MOBP: variants seen among roughly 807,000 people sequenced by gnomAD.
MOBP encodes myelin associated oligodendrocyte basic protein.
MOBP carries 5 observed loss-of-function variants against 15.0 expected under a neutral mutation model. That is an observed-to-expected ratio of 0.33 (90% confidence interval 0.17 to 0.70). The LOEUF is 0.70. MOBP is among the 30% of genes least tolerant of loss of function. MOBP has a pLI of 0.67. For missense variants in MOBP, 188 were observed against 257.8 expected, an observed-to-expected ratio of 0.73 and a Z score of 1.85; for synonymous variants, 88 against 99.0, an observed-to-expected ratio of 0.89 and a Z score of 0.66.
intron 3 of MOBP, among the ~76,000 whole-genome samples, chr3:39,523,692 T>G (rs2043296712): frequency 6.6e-6 from 1 of 152,198 alleles, no homozygotes; most frequent in South Asian, 2.1e-4. Context: ...TAAGAGCAAA[T>G]TTAGTAAATT....
intron 2 of MOBP, among the ~76,000 whole-genome samples, chr3:39,486,334 A>G (rs2042709275): frequency 2.0e-5 from 3 of 152,152 alleles, no homozygotes; most frequent in Non-Finnish European, 1.5e-5. Flanking sequence ...CCTGGTTTGT[A>G]TCTCATTCCA....
At chr3:39,468,406 C>T (rs1471439679) in intron 1 of MOBP, among the ~76,000 whole-genome samples, 7 of 152,020 alleles carry the variant, frequency 4.6e-5, no homozygotes, top group Admixed American at 4.6e-4. Context: ...AGCAGGAAAA[C>T]GGGGAAAGGA....
downstream of MOBP, among the ~76,000 whole-genome samples, chr3:39,507,961 C>T (rs981077125): frequency 6.6e-6 from 1 of 152,214 alleles, no homozygotes; most frequent in African/African-American, 2.4e-5. Context: ...AATCCCCTGC[C>T]TTCTGAATAT....
At chr3:39,519,527 A>G (rs1996096), downstream of MOBP, among the ~76,000 whole-genome samples, 1,748 of 131,008 alleles carry the variant, frequency 0.013, 34 homozygotes, top group East Asian at 0.027. Flanking sequence ...TTTTTTTCCA[A>G]TTCTTGTTAA....
chr3:39,487,613 T>TCC (rs2042735081), intron 2 of MOBP, among the ~76,000 whole-genome samples: 1 of 146,768 alleles, frequency 6.8e-6, no homozygotes, highest in African/African-American at 2.5e-5. Context: ...AAGCCCCATA[T>TCC]CCCAGGTTCA....
intron 2 of MOBP, among the ~76,000 whole-genome samples, chr3:39,482,651 C>CAA (rs10576821): frequency 1.9e-4 from 15 of 80,330 alleles, no homozygotes; most frequent in East Asian, 4.4e-4. Context: ...CACTCTGTCT[C>CAA]AAAAAAAAAA....
At chr3:39,477,499 A>G (rs962489654) in intron 1 of MOBP, among the ~76,000 whole-genome samples, 1 of 151,922 alleles carries the variant, frequency 6.6e-6, no homozygotes, top group African/African-American at 2.4e-5. Context: ...AGCACATACA[A>G]TTATGTACAG....
At chr3:39,479,342 G>C (rs1212001721) in intron 1 of MOBP, among the ~76,000 whole-genome samples, 1 of 150,094 alleles carries the variant, frequency 6.7e-6, no homozygotes, top group Non-Finnish European at 1.5e-5. Context: ...GAATTACAGG[G>C]TTCTTTTGGA....
intron 2 of MOBP, among the ~76,000 whole-genome samples, chr3:39,493,080 G>T (rs966100285): frequency 6.6e-6 from 1 of 152,130 alleles, no homozygotes; most frequent in Non-Finnish European, 1.5e-5. Context: ...CCAGAATTGA[G>T]GGCCACCTGT....
At chr3:39,490,338 T>G (rs979416270) in intron 2 of MOBP, among the ~76,000 whole-genome samples, 2 of 152,218 alleles carry the variant, frequency 1.3e-5, no homozygotes, top group African/African-American at 2.4e-5. Context: ...GTTAAAAGAT[T>G]TTATTGCTCT....
chr3:39,486,398 C>CT (rs1047903281), intron 2 of MOBP, among the ~76,000 whole-genome samples: 1 of 152,046 alleles, frequency 6.6e-6, no homozygotes, highest in African/African-American at 2.4e-5. Flanking sequence ...TTCTTCTTGT[C>CT]TTTTTTTAGG....
At chr3:39,513,504 AT>A (rs2125669469) in exon 5 of MOBP, 1 of 1,385,632 alleles carries the variant, frequency 7.2e-7, no homozygotes, top group East Asian at 2.3e-5. Context: ...GGATGAAGTT[AT>A]CTGGCTTCAA....
At chr3:39,485,942 T>TA (rs10713484) in intron 2 of MOBP, among the ~76,000 whole-genome samples, 4 of 152,044 alleles carry the variant, frequency 2.6e-5, no homozygotes, top group Non-Finnish European at 4.4e-5. Context: ...GTCTACTTTT[T>TA]AAAAAAATGT....
At chr3:39,489,777 C>T (rs192423073) in intron 2 of MOBP, among the ~76,000 whole-genome samples, 18 of 152,172 alleles carry the variant, frequency 1.2e-4, no homozygotes, top group South Asian at 2.1e-4. Flanking sequence ...TCCTTCGAGC[C>T]GACTGCCACA....
At chr3:39,495,740 G>A (rs1302683228) in intron 2 of MOBP, among the ~76,000 whole-genome samples, 1 of 123,206 alleles carries the variant, frequency 8.1e-6, no homozygotes, top group Non-Finnish European at 1.6e-5. Context: ...GCTACAGAGT[G>A]AGACCTTGTC....
downstream of MOBP, among the ~76,000 whole-genome samples, chr3:39,519,743 C>T (rs940156915): frequency 2.0e-5 from 3 of 152,094 alleles, no homozygotes; most frequent in Admixed American, 6.5e-5. Context: ...CAGCTTCTTT[C>T]TGAGACTTGA....
chr3:39,476,245 A>G (rs976550155), intron 1 of MOBP, among the ~76,000 whole-genome samples: 28 of 152,186 alleles, frequency 1.8e-4, no homozygotes, highest in African/African-American at 5.8e-4. Flanking sequence ...CCATGATCCA[A>G]TCGCCTCCCA....
At chr3:39,513,691 T>C in exon 5 of MOBP, 1 of 441,462 alleles carries the variant, frequency 2.3e-6, no homozygotes, top group South Asian at 5.7e-5. Flanking sequence ...TGCACAGTTC[T>C]TTTTGTTTCA....
At chr3:39,492,893 AAG>A (rs1451003565) in intron 2 of MOBP, among the ~76,000 whole-genome samples, 1 of 152,192 alleles carries the variant, frequency 6.6e-6, no homozygotes, top group Non-Finnish European at 1.5e-5. Context: ...AGCCGAGTGA[AAG>A]AATTGAAGAC....
Sources: gnomAD v4.1 joint callset for allele counts (sites outside exome capture counted in the v4.1 genomes callset) on GRCh38, gnomAD v4.1.1 for gene constraint, MANE v1.5 for transcripts, NCBI Gene and HGNC (gene_info 2026-07-23, HGNC 2026-07-21) for gene names.